The following ANKS1B variants were observed in gnomAD, a reference collection of about 807,000 sequenced individuals.
ANKS1B encodes the protein ankyrin repeat and sterile alpha motif domain containing 1B, also known as ankyrin repeat and sterile alpha motif domain-containing protein 1B.
ANKS1B carries 36 observed loss-of-function variants against 148.3 expected under a neutral mutation model. The observed-to-expected ratio is 0.24, with a 90% confidence interval of 0.19 to 0.32. The LOEUF is 0.32. Among genes scored for constraint, ANKS1B ranks in the 10% least tolerant of loss-of-function variants. The pLI is 1.00. For synonymous variants in ANKS1B, 542 were observed against 560.8 expected (o/e 0.97, Z 0.47); for missense variants, 1,157 against 1,542.6 (o/e 0.75, Z 4.19).
At chr12:99,955,386 G>T (rs575984794) in intron 1 of ANKS1B, among the ~76,000 whole-genome samples, 2 of 150,680 alleles carry the variant, frequency 1.3e-5, no homozygotes, top group Non-Finnish European at 3.0e-5. Context: ...CCAGCTACTC[G>T]GGAGGCTGAG....
At chr12:99,916,433 C>A (rs1418976406) in intron 1 of ANKS1B, among the ~76,000 whole-genome samples, 1 of 152,132 alleles carries the variant, frequency 6.6e-6, no homozygotes, top group African/African-American at 2.4e-5. Flanking sequence ...ATAAATGGAG[C>A]CCTGACTCAA....
At chr12:99,021,537 A>C (rs1026336712) in intron 17 of ANKS1B, among the ~76,000 whole-genome samples, 1 of 152,128 alleles carries the variant, frequency 6.6e-6, no homozygotes, top group African/African-American at 2.4e-5. Context: ...AGACAAATGA[A>C]TGATACTGTA....
intron 1 of ANKS1B, among the ~76,000 whole-genome samples, chr12:99,979,981 T>A (rs2153858849): frequency 6.6e-6 from 1 of 151,590 alleles, no homozygotes; most frequent in African/African-American, 2.4e-5. Context: ...GGAGAGAAGT[T>A]AATACGCTGA....
intron 17 of ANKS1B, among the ~76,000 whole-genome samples, chr12:98,930,284 A>G (rs1318760951): frequency 6.6e-6 from 1 of 152,154 alleles, no homozygotes; most frequent in African/African-American, 2.4e-5. Flanking sequence ...AGACCATAAC[A>G]AATGCTGACA....
intron 1 of ANKS1B, among the ~76,000 whole-genome samples, chr12:99,904,707 C>T (rs912024492): frequency 3.3e-5 from 5 of 152,164 alleles, no homozygotes; most frequent in African/African-American, 9.7e-5. Flanking sequence ...ATCAAAGGTA[C>T]TACAAGTGAT....
chr12:99,318,457 G>T (rs2084581512), intron 12 of ANKS1B, among the ~76,000 whole-genome samples: 1 of 152,152 alleles, frequency 6.6e-6, no homozygotes, highest in Admixed American at 6.6e-5. Flanking sequence ...TTGTGTAGAG[G>T]TGTTTATAGT....
chr12:98,793,662 T>C (rs1207379982), intron 22 of ANKS1B, among the ~76,000 whole-genome samples: 8 of 152,190 alleles, frequency 5.3e-5, no homozygotes, highest in African/African-American at 1.9e-4. Context: ...CCTATTTTTA[T>C]TACTTTTTAA....
At chr12:98,735,616 G>T in exon 10 of ANKS1B, 1 of 772,304 alleles carries the variant, frequency 1.3e-6, no homozygotes, top group Admixed American at 1.7e-5. Flanking sequence ...TGCCCGGTAT[G>T]GCTGGCATGA....
rs71088138 is a variant in ANKS1B at position 99,667,353 on chromosome 12, AAAAAG to A, written c.1129-12148_1129-12144del. Among the ~76,000 whole-genome samples the A allele has an allele frequency of 4.2e-3, 623 of 148,192 alleles. 5 individuals carry two copies. Among genetic ancestry groups the A allele is most frequent in the African/African-American group, 0.012 (451 of 38,862 alleles). ...GACAGAGCGAGACTCTGTCTCAAAA[AAAAAG>A]AAAAGAAAAGAAAAGAAAAGAAAAC... is the stretch of plus-strand genomic sequence containing the variant. On this transcript the variant is annotated intron_variant, in intron 8 of 26. Transcript: ENST00000683438.
At chr12:99,292,011 A>G (rs548247917) in intron 12 of ANKS1B, among the ~76,000 whole-genome samples, 26 of 152,310 alleles carry the variant, frequency 1.7e-4, no homozygotes, top group African/African-American at 6.0e-4. Context: ...TTAATTCAAG[A>G]TGGATTAAAG....
intron 8 of ANKS1B, among the ~76,000 whole-genome samples, chr12:99,661,254 C>T (rs2098476136): frequency 1.3e-5 from 2 of 152,162 alleles, no homozygotes; most frequent in African/African-American, 4.8e-5. Context: ...AGTAAATTTA[C>T]TGAAGCTCCA....
rs149259114 is a variant in ANKS1B at position 99,270,622 on chromosome 12, G to C, written c.1757-23758C>G. The stretch of plus-strand genomic sequence containing the variant: ...CTAATTCAGGTCCTTATAATATCCT[G>C]TCTGGGTACCTGTAAGAGTTCCCTG... On this transcript the variant is annotated intron_variant, in intron 12 of 26. Coordinates refer to ENST00000683438, the MANE Select transcript of ANKS1B (RefSeq NM_001352186.2). Among the ~76,000 whole-genome samples the C allele has an allele frequency of 5.0e-3, 758 of 152,206 alleles. 1 individual carries two copies. Among genetic ancestry groups the C allele is most frequent in the Middle Eastern group, 0.01 (3 of 294 alleles).
At chr12:99,514,026 A>G (rs968261864) in intron 9 of ANKS1B, among the ~76,000 whole-genome samples, 24 of 152,196 alleles carry the variant, frequency 1.6e-4, no homozygotes, top group Admixed American at 6.6e-5. Flanking sequence ...GAATGATTTC[A>G]TTAAATACAT....
intron 1 of ANKS1B, among the ~76,000 whole-genome samples, chr12:99,881,427 TTCTC>T (rs1446198060): frequency 3.9e-5 from 6 of 152,304 alleles, no homozygotes; most frequent in African/African-American, 1.2e-4. Context: ...CTACTGCTTT[TTCTC>T]TCTATCTCTG....
chr12:99,277,187 C>T (rs1461953241), intron 12 of ANKS1B, among the ~76,000 whole-genome samples: 1 of 152,146 alleles, frequency 6.6e-6, no homozygotes, highest in East Asian at 1.9e-4. Flanking sequence ...GATAAGCACT[C>T]CCCCTCATCC....
intron 17 of ANKS1B, among the ~76,000 whole-genome samples, chr12:98,967,952 A>C (rs2153189484): frequency 6.6e-6 from 1 of 151,772 alleles, no homozygotes; most frequent in East Asian, 1.9e-4. Flanking sequence ...GCATCATCAC[A>C]CTCTATGCCC....
intron 8 of ANKS1B, among the ~76,000 whole-genome samples, chr12:99,754,864 T>C (rs1319381766): frequency 1.3e-5 from 2 of 152,014 alleles, no homozygotes; most frequent in African/African-American, 4.8e-5. Flanking sequence ...AAGAAGGAAA[T>C]TTATAGCACT....
intron 1 of ANKS1B, among the ~76,000 whole-genome samples, chr12:99,969,330 T>A (rs1279463914): frequency 6.6e-6 from 1 of 152,120 alleles, no homozygotes; most frequent in Non-Finnish European, 1.5e-5. Flanking sequence ...AGGTATGCGC[T>A]ACCACACCCA....
intron 22 of ANKS1B, among the ~76,000 whole-genome samples, 184 bp from the exon 23 acceptor site, chr12:98,782,321 G>A (rs931940979): frequency 2.6e-5 from 4 of 152,168 alleles, no homozygotes; most frequent in African/African-American, 4.8e-5. Flanking sequence ...TTTTAGAAAT[G>A]CTGCAGGCTT....
Sources: gnomAD v4.1 joint callset for allele counts (sites outside exome capture counted in the v4.1 genomes callset) on GRCh38, gnomAD v4.1.1 for gene constraint, MANE v1.5 for transcripts, NCBI Gene and HGNC (gene_info 2026-07-23, HGNC 2026-07-21) for gene names.